KCNAB3: variants seen among roughly 807,000 people sequenced by gnomAD.
KCNAB3 encodes potassium voltage-gated channel subfamily A regulatory beta subunit 3, also known as voltage-gated potassium channel subunit beta-3.
KCNAB3 carries 62 observed loss-of-function variants against 67.7 expected under a neutral mutation model. The observed-to-expected ratio is 0.92, with a 90% CI of 0.75 to 1.13. The LOEUF is 1.13. KCNAB3 is among the 50% of genes most tolerant of loss of function. The pLI, the probability that KCNAB3 is intolerant of heterozygous loss-of-function variation, is 0.00. For synonymous variants in KCNAB3, 212 were observed against 205.4 expected (o/e 1.03, Z -0.27); for missense variants, 514 against 522.9 (o/e 0.98, Z 0.17).
chr17:7,926,496 A>C (rs558893497), intron 4 of KCNAB3, among the ~76,000 whole-genome samples: 1 of 152,274 alleles, frequency 6.6e-6, no homozygotes, highest in East Asian at 1.9e-4. Context: ...AGCTCAGCTC[A>C]AATTCTGCCT....
chr17:7,929,087 G>A lies in KCNAB3; in HGVS notation c.242+107C>T. On this transcript the variant is annotated intron_variant, in intron 1 of 13. Coordinates refer to ENST00000303790, the MANE Select transcript of KCNAB3 (RefSeq NM_004732.4). This position sits in a 1 kb window ranked among gnomAD's most constrained non-coding sequence, Gnocchi z 5.7. The stretch of plus-strand genomic sequence containing the variant: ...GACAGAAAGAAGAGATGGAAAGAAG[G>A]GAGACCTACTTAGTGAAGTTTGAAG... The A allele has an allele frequency of 6.8e-7, 1 of 1,481,392 alleles. No homozygotes were observed. Among genetic ancestry groups the A allele is most frequent in the East Asian group, 2.3e-5 (1 of 42,798 alleles). 91.8% of individuals were successfully genotyped at this position (1,481,392 alleles called of 1,614,324 possible).
At chr17:7,924,768 G>A in intron 8 of KCNAB3, 4 of 1,058,342 alleles carry the variant, frequency 3.8e-6, no homozygotes, top group Non-Finnish European at 3.8e-6. Context: ...TTTGAGACAG[G>A]GTCTCACTCT....
chr17:7,924,395 A>C lies in KCNAB3; in HGVS notation c.711+20T>G. 11 of 1,611,802 alleles carry C rather than the reference A, an allele frequency of 6.8e-6. No homozygotes were observed. Among genetic ancestry groups the C allele is most frequent in the Non-Finnish European group, 9.3e-6 (11 of 1,178,334 alleles). On this transcript the variant is annotated intron_variant, in intron 9 of 13. Coordinates refer to ENST00000303790, the MANE Select transcript of KCNAB3 (RefSeq NM_004732.4). ...GGGAACCAGTTGTGGGACAGGGGCA[A>C]GGTGGGGTCACACACTCACCATGAT...
At chr17:7,925,870 C>CCAA in intron 6 of KCNAB3, 61 bp downstream of exon 6, 3 of 1,516,020 alleles carry the variant, frequency 2.0e-6, no homozygotes, top group Non-Finnish European at 2.7e-6. Context: ...ACCCCCACCC[C>CCAA]ATACACCTTC....
intron 4 of KCNAB3, chr17:7,927,139 C>T (rs561826051): frequency 6.4e-6 from 4 of 625,190 alleles, no homozygotes; most frequent in African/African-American, 5.5e-5. Context: ...AATGTAGCTG[C>T]ACAGTACGCC....
rs1567891036 is a variant in KCNAB3 at position 7,924,047 on chromosome 17, G to C, written c.848C>G (p.Thr283Ser). The C allele has an allele frequency of 6.2e-7, 1 of 1,614,116 alleles. No homozygotes were observed. The highest frequency in any genetic ancestry group is 2.2e-5 in the East Asian group (1 of 44,886). ...GAGACCACAGGCTAGAGGGTACCAAGTGACTGATCCAACTCCTAAGGGAAG... is the reference window on the plus strand; with the variant it reads ...GAGACCACAGGCTAGAGGGTACCAACTGACTGATCCAACTCCTAAGGGAAG... ...LYHKIGVGSVTWYPLACGLIT... is the reference protein window; with the variant it reads ...LYHKIGVGSVSWYPLACGLIT... The change falls in exon 11 of 14, where the codon ACT becomes AGT. Residue 283 changes from threonine to serine, a missense_variant. Coordinates refer to ENST00000303790, the MANE Select transcript of KCNAB3 (RefSeq NM_004732.4).
chr17:7,929,820 GCTGGGCTCCCAGC>G lies in KCNAB3; in HGVS notation c.-398_-386del. 2.9e-6 allele frequency: 3 copies of G among 1,022,710 alleles called. No individual in the cohort carries two copies. The highest frequency in any genetic ancestry group is 2.3e-6 in the Non-Finnish European group (2 of 854,728). 63.4% of individuals were successfully genotyped at this position (1,022,710 alleles called of 1,614,324 possible). A position where few individuals can be genotyped will look rare whatever the true frequency, so the allele number is the denominator to read the frequency against. ...TTCAGCGCGAACCGCTGCGGGACCCGCTGGGCTCCCAGCCGCGTCGGCAGCGGGCCCAGCTCAT... is the reference window on the plus strand; with the variant it reads ...TTCAGCGCGAACCGCTGCGGGACCCGCGCGTCGGCAGCGGGCCCAGCTCAT... On this transcript the variant is annotated 5_prime_UTR_variant, in exon 1 of 14. Transcript: ENST00000303790. The surrounding 1 kb of genome is among the most constrained non-coding windows in gnomAD (Gnocchi z 5.7).
intron 4 of KCNAB3, among the ~76,000 whole-genome samples, chr17:7,926,333 A>G (rs1232671666): frequency 2.0e-5 from 3 of 152,244 alleles, no homozygotes; most frequent in African/African-American, 7.2e-5. Flanking sequence ...CTGTGTACCA[A>G]GCCCTGCTGT....
In KCNAB3 at chr17:7,929,125, C is replaced by A. The variant is rs780344230; in HGVS notation, c.242+69G>T. 1 of 1,575,348 alleles carries A rather than the reference C, an allele frequency of 6.3e-7. No homozygotes were observed. Among genetic ancestry groups the A allele is most frequent in the Non-Finnish European group, 8.6e-7 (1 of 1,164,264 alleles). ...GTGAAGTTTGAAGGGGTCTTGGCGG[C>A]CATCTCAAGCAGTCTCAGGGGTCCC... is the stretch of plus-strand genomic sequence containing the variant. On this transcript the variant is annotated intron_variant, in intron 1 of 13. Coordinates refer to ENST00000303790, the MANE Select transcript of KCNAB3 (RefSeq NM_004732.4). The surrounding 1 kb of genome is among the most constrained non-coding windows in gnomAD (Gnocchi z 5.7).
In KCNAB3 at chr17:7,923,495, C is replaced by T. The variant is rs1252623718; in HGVS notation, c.1098G>A (p.Ser366=). ...EGVSSVLLGV[S]SAEQLIEHLG... ...GGTGTTCTATCAACTGCTCCGCACT[C>T]GACACCCCCAGCAAGACAGAGCTGA... Residue 366 remains serine, a synonymous_variant, in exon 13 of 14, where the codon TCG becomes TCA. Transcript: ENST00000303790. The T allele has an allele frequency of 1.9e-6, 3 of 1,612,466 alleles. No individual in the cohort carries two copies. The highest frequency in any genetic ancestry group is 1.7e-5 in the Admixed American group (1 of 59,896).
chr17:7,926,216 C>T, intron 4 of KCNAB3, 113 bp from the exon 5 acceptor site: 2 of 1,193,362 alleles, frequency 1.7e-6, no homozygotes, highest in South Asian at 1.3e-5. Context: ...GAGTCCATTT[C>T]AGCTCACAGC....
In KCNAB3 at chr17:7,924,482, G is replaced by A; in HGVS notation, c.644C>T (p.Thr215Ile). 3 of 1,613,980 alleles carry A rather than the reference G, an allele frequency of 1.9e-6. No homozygotes were observed. The highest frequency in any genetic ancestry group is 2.5e-6 in the Non-Finnish European group (3 of 1,179,902). ...CPMEEIVRAM[T>I]YVINQGLALY... ...GGCCAGGCCCTGGTTGATGACATAGGTCATGGCTCGCACAATCTCTAGGTA... is the reference window on the plus strand; with the variant it reads ...GGCCAGGCCCTGGTTGATGACATAGATCATGGCTCGCACAATCTCTAGGTA... Residue 215 changes from threonine to isoleucine, a missense_variant, in exon 9 of 14, where the codon ACC (threonine) becomes ATC (isoleucine). Physicochemically the swap from Thr to Ile is moderately conservative, Grantham distance 89. Transcript: ENST00000303790.
chr17:7,924,009 A>G lies in KCNAB3; in HGVS notation c.886T>C (p.Tyr296His). The change falls in exon 11 of 14, where the codon TAT (tyrosine) becomes CAT (histidine). Residue 296 changes from tyrosine to histidine, a missense_variant. By Grantham distance (83) the Tyr-to-His change is moderately conservative. Coordinates refer to ENST00000303790, the MANE Select transcript of KCNAB3 (RefSeq NM_004732.4). ...CAAGTATCTGGGACTCGCCCATCAT[A>G]CTTGCTAGTAATGAGACCACAGGCT... ...PLACGLITSK[Y>H]DGRVPDTCRA... 1.2e-6 allele frequency: 2 copies of G among 1,613,740 alleles called. No homozygotes were observed. The highest frequency in any genetic ancestry group is 1.7e-6 in the Non-Finnish European group (2 of 1,179,950).
At chr17:7,924,874 C>A in intron 8 of KCNAB3, 1 of 572,924 alleles carries the variant, frequency 1.7e-6, no homozygotes, top group Non-Finnish European at 2.9e-6. Context: ...TCCTGAACAG[C>A]TGGGAGTACA....
rs778167248 is a variant in KCNAB3 at position 7,923,510 on chromosome 17, G to A, written c.1083C>T (p.Val361=). 8 of 1,612,444 alleles carry A rather than the reference G, an allele frequency of 5.0e-6. No homozygotes were observed. The highest frequency in any genetic ancestry group is 1.3e-5 in the African/African-American group (1 of 74,808). Residue 361 remains valine (V), a synonymous_variant, in exon 13 of 14, where the codon GTC becomes GTT. Transcript: ENST00000303790. ...WCLRSEGVSS[V]LLGVSSAEQL... is the part of the protein sequence containing the mutation. ...GCTCCGCACTCGACACCCCCAGCAAGACAGAGCTGACACCCTCACTGCGGA... is the reference window on the plus strand; with the variant it reads ...GCTCCGCACTCGACACCCCCAGCAAAACAGAGCTGACACCCTCACTGCGGA...
intron 1 of KCNAB3, chr17:7,928,109 C>A: frequency 1.8e-6 from 1 of 561,294 alleles, no homozygotes; most frequent in East Asian, 3.0e-5. Flanking sequence ...TCTGGTTTGT[C>A]CTTCTTCTGG....
chr17:7,923,382 CCT>C lies in KCNAB3; in HGVS notation c.1137+72_1137+73del, dbSNP rs910343944. 1.3e-5 allele frequency: 19 copies of C among 1,465,732 alleles called. No homozygotes were observed. In the African/African-American group the frequency reaches 2.7e-4, roughly 21 times the overall value. The allele number at this position is 1,465,732 out of a possible 1,614,324, so 90.8% of individuals were successfully genotyped here. A position where few individuals can be genotyped will look rare whatever the true frequency, so the allele number is the denominator to read the frequency against. ...GTAGTGGGTGACCTGATAGAGCCAT[CCT>C]GGGTTGGATAGCGTGGCTTTGACTC... is the stretch of plus-strand genomic sequence containing the variant. On this transcript the variant is annotated intron_variant, in intron 13 of 13. Transcript: ENST00000303790.
In KCNAB3 at chr17:7,929,480, G is replaced by A. The variant is rs527656542; in HGVS notation, c.-45C>T. The A allele has an allele frequency of 5.8e-6, 9 of 1,539,926 alleles. No individual in the cohort carries two copies. Among genetic ancestry groups the A allele is most frequent in the African/African-American group, 5.5e-5 (4 of 72,768 alleles). On this transcript the variant is annotated 5_prime_UTR_variant, in exon 1 of 14. Coordinates refer to ENST00000303790, the MANE Select transcript of KCNAB3 (RefSeq NM_004732.4). The surrounding 1 kb of genome is among the most constrained non-coding windows in gnomAD (Gnocchi z 5.7). The stretch of plus-strand genomic sequence containing the variant: ...GGAGGGGGCTCCGAGGGGACGGGAG[G>A]GGGGAGCAGGGAAGCCCGAGGGCTG...
At position 7,923,033 on chromosome 17, in the gene KCNAB3, G is replaced by A. The variant is rs1567889854; in HGVS notation, c.*69C>T. 4 of 1,454,418 alleles carry A rather than the reference G, an allele frequency of 2.8e-6. No individual in the cohort carries two copies. Among genetic ancestry groups the A allele is most frequent in the Non-Finnish European group, 2.9e-6 (3 of 1,036,234 alleles). 90.1% of individuals were successfully genotyped at this position (1,454,418 alleles called of 1,614,324 possible). A position where few individuals can be genotyped will look rare whatever the true frequency, so the allele number is the denominator to read the frequency against. ...GCGTGGAGGGATCCGGAGCGGGAGA[G>A]GCGGCTGCGAGGAGCGGGGCTCGGG... On this transcript the variant is annotated 3_prime_UTR_variant, in exon 14 of 14. Transcript: ENST00000303790.
Sources: gnomAD v4.1 joint callset for allele counts (sites outside exome capture counted in the v4.1 genomes callset) on GRCh38, gnomAD v4.1.1 for gene constraint, Gnocchi (gnomAD v3.1) non-coding constraint, MANE v1.5 for transcripts, NCBI Gene and HGNC (gene_info 2026-07-23, HGNC 2026-07-21) for gene names.